The following KCNH7 variants were observed in gnomAD, a reference collection of about 807,000 sequenced individuals.
The protein encoded by KCNH7 is voltage-gated inwardly rectifying potassium channel KCNH7.
Under a neutral mutation model 120.8 loss-of-function variants are expected in KCNH7, and 49 were observed. The observed-to-expected ratio is 0.41, with a 90% CI of 0.32 to 0.51. The LOEUF (loss-of-function observed/expected upper bound fraction) is 0.51, where lower values mean the gene tolerates loss of function less well. Among genes scored for constraint, KCNH7 ranks in the 20% least tolerant of loss-of-function variants. KCNH7 has a pLI of 0.38. For missense variants in KCNH7, 1,097 were observed against 1,446.6 expected, an observed-to-expected ratio of 0.76 and a Z score of 3.92; for synonymous variants, 547 against 516.1, an observed-to-expected ratio of 1.06 and a Z score of -0.81.
chr2:162,766,348 A>G (rs1202151466), intron 2 of KCNH7, among the ~76,000 whole-genome samples: 1 of 152,186 alleles, frequency 6.6e-6, no homozygotes, highest in Non-Finnish European at 1.5e-5. Flanking sequence ...AAATCCAACT[A>G]CAAGAAAGGG....
At position 162,813,349 on chromosome 2, in the gene KCNH7, C is replaced by T. The variant is rs138204622; in HGVS notation, c.307+23188G>A. On this transcript the variant is annotated intron_variant, in intron 2 of 15. Transcript: ENST00000332142. ...GCCAGAATCAGATACATTCCTCGAT[C>T]AGGTACACTCCTCTATATTTGTGTA... Among the ~76,000 whole-genome samples the T allele has an allele frequency of 5.8e-3, 882 of 152,270 alleles. 11 individuals carry two copies. The highest frequency in any genetic ancestry group is 0.02 in the African/African-American group (829 of 41,564).
chr2:162,439,911 T>C (rs1446226049), intron 7 of KCNH7, among the ~76,000 whole-genome samples: 1 of 151,752 alleles, frequency 6.6e-6, no homozygotes, highest in Non-Finnish European at 1.5e-5. Context: ...GACTGTGTGG[T>C]TGTTTTTTGT....
chr2:162,703,585 A>T (rs1431363051), intron 2 of KCNH7, among the ~76,000 whole-genome samples: 1 of 152,180 alleles, frequency 6.6e-6, no homozygotes, highest in Non-Finnish European at 1.5e-5. Flanking sequence ...CAAATGACAC[A>T]TGTGCTTAAA....
intron 2 of KCNH7, among the ~76,000 whole-genome samples, chr2:162,633,852 A>C (rs1683850160): frequency 6.6e-6 from 1 of 152,010 alleles, no homozygotes; most frequent in African/African-American, 2.4e-5. Context: ...GAAATTCTCC[A>C]CAGGCCATTC....
At chr2:162,682,866 T>G (rs1685761257) in intron 2 of KCNH7, among the ~76,000 whole-genome samples, 1 of 151,856 alleles carries the variant, frequency 6.6e-6, no homozygotes, top group African/African-American at 2.4e-5. Flanking sequence ...TCCTAAATGT[T>G]GGTCCAGAAA....
chr2:162,646,421 G>A (rs1167406212), intron 2 of KCNH7, among the ~76,000 whole-genome samples: 4 of 152,036 alleles, frequency 2.6e-5, no homozygotes, highest in Admixed American at 2.6e-4. Context: ...ACTACAGAAC[G>A]GCCCCTTCCC....
Position 162,375,831 on chromosome 2 carries a change from G to C in KCNH7, c.3132-2169C>G, listed in dbSNP as rs149421150. ...GGAGGCTGAAGTGGGAGGAAGGCTT[G>C]AGCCTGGGAGATTGCACCACTGCAC... On this transcript the variant is annotated intron_variant, in intron 14 of 15. Transcript: ENST00000332142. Among the ~76,000 whole-genome samples the C allele has an allele frequency of 9.5e-4, 143 of 150,658 alleles. 1 individual carries two copies. The highest frequency in any genetic ancestry group is 3.4e-3 in the African/African-American group (138 of 41,082).
intron 2 of KCNH7, among the ~76,000 whole-genome samples, chr2:162,711,902 G>T (rs1186684093): frequency 1.3e-5 from 2 of 152,080 alleles, no homozygotes; most frequent in African/African-American, 4.8e-5. Flanking sequence ...AATGCTAAGG[G>T]CAATAGATAT....
intron 6 of KCNH7, among the ~76,000 whole-genome samples, chr2:162,467,039 T>G (rs1207548035): frequency 2.0e-5 from 3 of 152,216 alleles, no homozygotes; most frequent in Admixed American, 6.5e-5. Context: ...TGCATTTTAG[T>G]TCTTTCCTAT....
chr2:162,687,598 A>G (rs1403881109), intron 2 of KCNH7, among the ~76,000 whole-genome samples: 3 of 152,092 alleles, frequency 2.0e-5, no homozygotes, highest in Non-Finnish European at 4.4e-5. Flanking sequence ...GAGATCAGCT[A>G]TGTTGGAAAT....
At chr2:162,429,795 G>A (rs1395774657) in intron 8 of KCNH7, among the ~76,000 whole-genome samples, 1 of 150,588 alleles carries the variant, frequency 6.6e-6, no homozygotes, top group Non-Finnish European at 1.5e-5. Flanking sequence ...TCTTGGATAT[G>A]TGGTTTTATA....
chr2:162,436,384 G>T (rs1176998949), intron 7 of KCNH7, among the ~76,000 whole-genome samples: 1 of 152,064 alleles, frequency 6.6e-6, no homozygotes, highest in Non-Finnish European at 1.5e-5. Context: ...ATTTCTTGAT[G>T]TCCCAGTGAT....
intron 8 of KCNH7, among the ~76,000 whole-genome samples, chr2:162,432,413 T>C (rs1008270208): frequency 1.3e-5 from 2 of 151,990 alleles, no homozygotes; most frequent in African/African-American, 2.4e-5. Flanking sequence ...ACTAAAAATA[T>C]GAAAAGTACA....
intron 6 of KCNH7, among the ~76,000 whole-genome samples, chr2:162,470,436 GC>G (rs1689474772): frequency 7.0e-6 from 1 of 143,460 alleles, no homozygotes; most frequent in Non-Finnish European, 1.5e-5. Flanking sequence ...CCCGGCAGCC[GC>G]CCCGTCTGAG....
In KCNH7 at chr2:162,425,796, G is replaced by A. The variant is rs187137222; in HGVS notation, c.1955-2261C>T. On this transcript the variant is annotated intron_variant, in intron 8 of 15. Coordinates refer to ENST00000332142, the MANE Select transcript of KCNH7 (RefSeq NM_033272.4). The stretch of plus-strand genomic sequence containing the variant: ...TAGCAAATTAGATGTTATTTGGATG[G>A]TAGAGTTTTATCTCTACCATCAAAA... 1.4e-3 allele frequency among the ~76,000 whole-genome samples: 207 copies of A among 152,120 alleles called. 2 individuals carry two copies. The highest frequency in any genetic ancestry group is 0.013 in the Admixed American group (196 of 15,248).
chr2:162,424,856 T>C (rs1355114019), intron 8 of KCNH7, among the ~76,000 whole-genome samples: 1 of 152,032 alleles, frequency 6.6e-6, no homozygotes, highest in Non-Finnish European at 1.5e-5. Flanking sequence ...GGGATGAAAG[T>C]TGGGGAGATG....
chr2:162,825,265 G>A (rs1006437952), intron 2 of KCNH7, among the ~76,000 whole-genome samples: 1 of 151,828 alleles, frequency 6.6e-6, no homozygotes, highest in African/African-American at 2.4e-5. Context: ...TGCTCCCTAG[G>A]TTTCAAAATA....
At chr2:162,512,861 C>A (rs933584209) in intron 4 of KCNH7, among the ~76,000 whole-genome samples, 187 bp from the exon 5 acceptor site, 47 of 151,710 alleles carry the variant, frequency 3.1e-4, no homozygotes, top group African/African-American at 1.1e-3. Context: ...AAAATAGTAT[C>A]TGTCATAATA....
At chr2:162,777,376 A>G (rs2105484880) in intron 2 of KCNH7, among the ~76,000 whole-genome samples, 1 of 138,486 alleles carries the variant, frequency 7.2e-6, no homozygotes. Context: ...TTAGGGAATG[A>G]TGACAAGAGC....
Sources: gnomAD v4.1 joint callset for allele counts (sites outside exome capture counted in the v4.1 genomes callset) on GRCh38, gnomAD v4.1.1 for gene constraint, MANE v1.5 for transcripts, NCBI Gene and HGNC (gene_info 2026-07-23, HGNC 2026-07-21) for gene names.